The following CDYL2 variants were observed in gnomAD, a reference collection of about 807,000 sequenced individuals.
CDYL2 encodes the protein chromodomain Y like 2.
CDYL2 carries 23 observed loss-of-function variants against 49.4 expected under a neutral mutation model. That is an observed-to-expected ratio of 0.47 (90% CI 0.34 to 0.66). CDYL2 has a LOEUF of 0.66. Ranked by LOEUF, CDYL2 falls within the 30% of genes least tolerant of loss-of-function variation. The pLI is 0.01. For missense variants in CDYL2, 678 were observed against 656.4 expected (o/e 1.03, Z -0.36); for synonymous variants, 360 against 268.8 (o/e 1.34, Z -3.32).
intron 1 of CDYL2, among the ~76,000 whole-genome samples, chr16:80,795,328 G>A (rs559793507): frequency 2.0e-5 from 3 of 152,322 alleles, no homozygotes; most frequent in South Asian, 2.1e-4. Flanking sequence ...AATTCTGGGA[G>A]AGATGGAATG....
intron 1 of CDYL2, among the ~76,000 whole-genome samples, chr16:80,783,300 T>C (rs776669836): frequency 3.3e-5 from 5 of 152,124 alleles, no homozygotes; most frequent in Non-Finnish European, 5.9e-5. Context: ...GGAAATGCAA[T>C]CAAAACTGCA....
intron 1 of CDYL2, among the ~76,000 whole-genome samples, chr16:80,754,346 T>C (rs538125460): frequency 2.6e-5 from 4 of 152,090 alleles, no homozygotes; most frequent in African/African-American, 9.7e-5. Flanking sequence ...GGGGGCTGGG[T>C]GGACAAGAAT....
intron 1 of CDYL2, among the ~76,000 whole-genome samples, chr16:80,720,030 C>G (rs951604453): frequency 6.6e-6 from 1 of 152,234 alleles, no homozygotes; most frequent in Admixed American, 6.5e-5. Flanking sequence ...CTCTCCCATG[C>G]CTTGACACTG....
chr16:80,719,300 G>A (rs1313283432), intron 1 of CDYL2, among the ~76,000 whole-genome samples: 1 of 152,102 alleles, frequency 6.6e-6, no homozygotes, highest in Non-Finnish European at 1.5e-5. Context: ...ATCTGTGTGG[G>A]CCTTGAGCAA....
chr16:80,778,670 T>C (rs977725059), intron 1 of CDYL2, among the ~76,000 whole-genome samples: 5 of 151,980 alleles, frequency 3.3e-5, no homozygotes, highest in Admixed American at 1.3e-4. Flanking sequence ...ATAAGTTTAG[T>C]ACAATTAAAA....
chr16:80,692,553 T>G (rs1321389800), intron 1 of CDYL2, among the ~76,000 whole-genome samples: 2 of 152,330 alleles, frequency 1.3e-5, no homozygotes, highest in East Asian at 3.9e-4. Flanking sequence ...GAATACATAT[T>G]AGGATTAATG....
intron 1 of CDYL2, among the ~76,000 whole-genome samples, chr16:80,782,374 C>G (rs1907297336): frequency 6.6e-6 from 1 of 151,290 alleles, no homozygotes; most frequent in African/African-American, 2.4e-5. Context: ...AAGAAAAGGC[C>G]AAGACCAAGC....
Position 80,689,624 on chromosome 16 carries a change from T to A in CDYL2, c.25-4495A>T, listed in dbSNP as rs143825105. On this transcript the variant is annotated intron_variant, in intron 1 of 6. Coordinates refer to ENST00000570137, the MANE Select transcript of CDYL2 (RefSeq NM_152342.4). ...GCAGGGCCAAGCAAAGCATGAACCA[T>A]TGGAACAGCAACAAGAGGAACGGAT... Among the ~76,000 whole-genome samples, 10 of 152,140 alleles carry A rather than the reference T, an allele frequency of 6.6e-5. No individual in the cohort carries two copies. The East Asian group carries it at 1.5e-3, about 24-fold the overall frequency.
chr16:80,798,641 C>T (rs974062872), intron 1 of CDYL2, among the ~76,000 whole-genome samples: 1 of 152,114 alleles, frequency 6.6e-6, no homozygotes, highest in African/African-American at 2.4e-5. Flanking sequence ...AGTAAGACTT[C>T]CAGTCAACAG....
intron 1 of CDYL2, among the ~76,000 whole-genome samples, chr16:80,762,964 G>C (rs1484332337): frequency 6.6e-6 from 1 of 152,160 alleles, no homozygotes; most frequent in African/African-American, 2.4e-5. Context: ...TTAATAATGT[G>C]TCTTTAAAGA....
At chr16:80,696,432 G>GT (rs1005230449) in intron 1 of CDYL2, among the ~76,000 whole-genome samples, 7 of 151,690 alleles carry the variant, frequency 4.6e-5, no homozygotes, top group South Asian at 2.1e-4. Flanking sequence ...CAACAATACA[G>GT]TTTTTTTTAA....
At chr16:80,638,879 C>T (rs1011182703) in intron 2 of CDYL2, among the ~76,000 whole-genome samples, 1 of 152,044 alleles carries the variant, frequency 6.6e-6, no homozygotes, top group Non-Finnish European at 1.5e-5. Context: ...TATAAAGCTC[C>T]TAGAGGATAG....
At chr16:80,604,589 C>T in intron 6 of CDYL2, 43 bp from the exon 7 acceptor site, 2 of 1,609,764 alleles carry the variant, frequency 1.2e-6, no homozygotes, top group Non-Finnish European at 1.7e-6. Flanking sequence ...GCACCAGGGA[C>T]TCTGCTCCAG....
chr16:80,758,785 G>A (rs926737128), intron 1 of CDYL2, among the ~76,000 whole-genome samples: 174 of 151,322 alleles, frequency 1.1e-3, no homozygotes, highest in Non-Finnish European at 6.2e-4. Context: ...CTCCTGATCC[G>A]CCCGCCTCTG....
At chr16:80,707,228 C>G (rs950597926) in intron 1 of CDYL2, among the ~76,000 whole-genome samples, 2 of 152,064 alleles carry the variant, frequency 1.3e-5, no homozygotes, top group South Asian at 4.2e-4. Context: ...TTTGGGAGGC[C>G]AAGATGACAG....
intron 1 of CDYL2, among the ~76,000 whole-genome samples, chr16:80,730,440 T>C (rs935878027): frequency 8.5e-5 from 13 of 152,100 alleles, no homozygotes; most frequent in African/African-American, 3.1e-4. Flanking sequence ...TAACAGGAGC[T>C]GAAATTGTGG....
intron 1 of CDYL2, among the ~76,000 whole-genome samples, chr16:80,723,024 T>C (rs1356104752): frequency 6.6e-6 from 1 of 152,246 alleles, no homozygotes; most frequent in Admixed American, 6.5e-5. Context: ...AACCCTTTTC[T>C]GCTGCAGGGT....
In CDYL2 at chr16:80,604,535, C is replaced by A; in HGVS notation, c.1374G>T (p.Glu458Asp). 1 of 1,614,224 alleles carries A rather than the reference C, an allele frequency of 6.2e-7. No individual in the cohort carries two copies. Among genetic ancestry groups the A allele is most frequent in the Non-Finnish European group, 8.5e-7 (1 of 1,180,034 alleles). ...GGAAGCTCCGCACGAGGCATTTGGA[C>A]TCCTCTAACACCTAGAGGGAAATAG... is the stretch of plus-strand genomic sequence containing the variant. ...MASCSAVVLE[E>D]SKCLVRSFLK... is the part of the protein sequence containing the mutation. Residue 458 changes from glutamate to aspartate, a missense_variant, in exon 7 of 7, where the codon GAG (glutamate) becomes GAT (aspartate). Glu to Asp is a conservative substitution (Grantham distance 45, BLOSUM62 2). This residue lies in a region of CDYL2 where 153 missense variants were observed against 150.6 expected (regional missense o/e 1.02). Coordinates refer to ENST00000570137, the MANE Select transcript of CDYL2 (RefSeq NM_152342.4).
intron 1 of CDYL2, among the ~76,000 whole-genome samples, chr16:80,749,933 T>C (rs1162674235): frequency 6.6e-6 from 1 of 152,124 alleles, no homozygotes; most frequent in East Asian, 1.9e-4. Context: ...ATGTCCTTTG[T>C]AGGGACATGG....
Sources: gnomAD v4.1 joint callset for allele counts (sites outside exome capture counted in the v4.1 genomes callset) on GRCh38, gnomAD v4.1.1 for gene constraint, gnomAD v4.1.1 regional missense constraint, MANE v1.5 for transcripts, NCBI Gene and HGNC (gene_info 2026-07-23, HGNC 2026-07-21) for gene names.